CHSY3: variants seen among roughly 807,000 people sequenced by gnomAD.
CHSY3 encodes chondroitin sulfate synthase 3.
CHSY3 carries 35 observed loss-of-function variants against 67.2 expected under a neutral mutation model. That is an observed-to-expected ratio of 0.52 (90% CI 0.40 to 0.69). The LOEUF (loss-of-function observed/expected upper bound fraction) is 0.69. CHSY3 is among the 30% of genes least tolerant of loss of function. The pLI, the probability that CHSY3 is intolerant of heterozygous loss-of-function variation, is 0.00. For synonymous variants in CHSY3, 474 were observed against 434.7 expected, an observed-to-expected ratio of 1.09 and a Z score of -1.12; for missense variants, 1,069 against 1,138.5, an observed-to-expected ratio of 0.94 and a Z score of 0.88.
intron 2 of CHSY3, among the ~76,000 whole-genome samples, chr5:130,145,886 T>A: frequency 6.6e-6 from 1 of 151,822 alleles, no homozygotes; most frequent in South Asian, 2.1e-4. Context: ...GAAATGCAAA[T>A]CAATACCACA....
At chr5:130,144,982 A>T (rs1769028245) in intron 2 of CHSY3, among the ~76,000 whole-genome samples, 1 of 152,182 alleles carries the variant, frequency 6.6e-6, no homozygotes, top group Admixed American at 6.6e-5. Context: ...CCAGCACTTC[A>T]CATGGCTGGT....
At chr5:130,042,573 A>G (rs1182573116) in intron 2 of CHSY3, among the ~76,000 whole-genome samples, 2 of 152,150 alleles carry the variant, frequency 1.3e-5, no homozygotes, top group Non-Finnish European at 2.9e-5. Flanking sequence ...TTGTTAAAGT[A>G]TAGAGCATTT....
At chr5:130,159,161 C>T (rs1438243781) in intron 2 of CHSY3, among the ~76,000 whole-genome samples, 30 of 98,692 alleles carry the variant, frequency 3.0e-4, no homozygotes, top group Admixed American at 4.0e-4. Flanking sequence ...TAAGATTTGT[C>T]TTTTTTTTTT....
intron 2 of CHSY3, among the ~76,000 whole-genome samples, chr5:130,171,437 A>C (rs1315033652): frequency 6.6e-6 from 1 of 152,172 alleles, no homozygotes; most frequent in Non-Finnish European, 1.5e-5. Context: ...AAACCTGATG[A>C]ACTTAGTGAT....
At chr5:130,064,519 C>T (rs543486228) in intron 2 of CHSY3, among the ~76,000 whole-genome samples, 9 of 152,252 alleles carry the variant, frequency 5.9e-5, no homozygotes, top group Admixed American at 4.6e-4. Flanking sequence ...AGAAACAAAC[C>T]TACTTCTATG....
At chr5:129,913,241 G>A (rs549661366) in intron 2 of CHSY3, among the ~76,000 whole-genome samples, 6 of 152,110 alleles carry the variant, frequency 3.9e-5, no homozygotes, top group East Asian at 1.9e-4. Flanking sequence ...CTTCTTTCAC[G>A]TTTATTTTCC....
intron 2 of CHSY3, among the ~76,000 whole-genome samples, chr5:130,169,122 AT>A (rs1461816835): frequency 6.6e-6 from 1 of 151,898 alleles, no homozygotes; most frequent in South Asian, 2.1e-4. Context: ...CATGGTTTCC[AT>A]TTTTTTTGTC....
chr5:130,163,908 G>A (rs559815833), intron 2 of CHSY3, among the ~76,000 whole-genome samples: 108 of 152,296 alleles, frequency 7.1e-4, no homozygotes, highest in Non-Finnish European at 1.5e-3. Context: ...CTATATGATA[G>A]GCATCTAGCA....
chr5:130,140,920 T>C (rs767258740), intron 2 of CHSY3: 17 of 806,450 alleles, frequency 2.1e-5, no homozygotes, highest in Non-Finnish European at 2.6e-5. Context: ...CCATTTTCCA[T>C]GCCTTATTTG....
chr5:130,176,254 C>A (rs1179907271), intron 2 of CHSY3, among the ~76,000 whole-genome samples: 3 of 151,980 alleles, frequency 2.0e-5, no homozygotes, highest in African/African-American at 4.8e-5. Context: ...AAAAAAAAAG[C>A]CCATCATCAC....
intron 2 of CHSY3, among the ~76,000 whole-genome samples, chr5:130,038,325 TA>T (rs1252083063): frequency 6.6e-6 from 1 of 152,160 alleles, no homozygotes; most frequent in Non-Finnish European, 1.5e-5. Context: ...AGCATTGCTC[TA>T]TTACATTCTA....
intron 2 of CHSY3, among the ~76,000 whole-genome samples, chr5:130,118,438 C>CTA (rs1767890802): frequency 1.3e-5 from 2 of 151,408 alleles, no homozygotes; most frequent in Admixed American, 1.3e-4. Flanking sequence ...CTCTATCTGT[C>CTA]TATATATACA....
chr5:130,171,812 CA>C (rs1469486802), intron 2 of CHSY3, among the ~76,000 whole-genome samples: 4 of 151,814 alleles, frequency 2.6e-5, no homozygotes, highest in African/African-American at 4.8e-5. Context: ...AAACCTTCTT[CA>C]AAATCATACA....
chr5:129,934,639 C>A (rs138507619), intron 2 of CHSY3, among the ~76,000 whole-genome samples: 15 of 152,246 alleles, frequency 9.9e-5, no homozygotes, highest in Admixed American at 6.5e-4. Context: ...TCAGGATAGT[C>A]TCTTCATTTG....
intron 2 of CHSY3, among the ~76,000 whole-genome samples, chr5:130,077,970 T>C (rs531360951): frequency 3.3e-5 from 5 of 152,134 alleles, no homozygotes; most frequent in Non-Finnish European, 7.4e-5. Flanking sequence ...CTAACACCTA[T>C]TGAGCACTTA....
intron 2 of CHSY3, among the ~76,000 whole-genome samples, chr5:130,095,012 C>T (rs992062632): frequency 1.3e-5 from 2 of 152,006 alleles, no homozygotes; most frequent in East Asian, 1.9e-4. Flanking sequence ...CTAGAATGAG[C>T]CCTGTGGTCC....
At chr5:130,052,112 C>G (rs1213834939) in intron 2 of CHSY3, 1 of 152,216 alleles carries the variant, frequency 6.6e-6, no homozygotes, top group Admixed American at 6.6e-5. Context: ...TCAGTCCACA[C>G]TGCCATAGAT....
At chr5:130,016,696 AC>A (rs1190681989) in intron 2 of CHSY3, among the ~76,000 whole-genome samples, 1 of 152,256 alleles carries the variant, frequency 6.6e-6, no homozygotes, top group Admixed American at 6.5e-5. Flanking sequence ...GGCGTGAGCC[AC>A]CGTGCCTGGC....
intron 2 of CHSY3, among the ~76,000 whole-genome samples, chr5:130,047,932 A>G (rs1413720085): frequency 6.8e-6 from 1 of 147,490 alleles, no homozygotes; most frequent in African/African-American, 2.7e-5. Flanking sequence ...TGTACATCTT[A>G]GGAGTATCAA....
Sources: gnomAD v4.1 joint callset for allele counts (sites outside exome capture counted in the v4.1 genomes callset) on GRCh38, gnomAD v4.1.1 for gene constraint, MANE v1.5 for transcripts, NCBI Gene and HGNC (gene_info 2026-07-23, HGNC 2026-07-21) for gene names.